The following SLC49A3 variants were observed in gnomAD, a reference collection of about 807,000 sequenced individuals.
SLC49A3 encodes solute carrier family 49 member 3, also known as solute carrier family 49 member A3.
Under a neutral mutation model 43.8 loss-of-function variants are expected in SLC49A3, and 50 were observed. The observed-to-expected ratio is 1.14, with a 90% CI of 0.91 to 1.45. SLC49A3 has a LOEUF of 1.45. SLC49A3 is among the 40% of genes most tolerant of loss of function. SLC49A3 has a pLI of 0.00. For synonymous variants in SLC49A3, 413 were observed against 352.0 expected (o/e 1.17, Z -1.94); for missense variants, 906 against 774.1 (o/e 1.17, Z -2.02).
downstream of SLC49A3, among the ~76,000 whole-genome samples, chr4:680,227 C>T (rs145094027): frequency 4.7e-3 from 716 of 152,288 alleles, 3 homozygotes; most frequent in Non-Finnish European, 7.5e-3. Flanking sequence ...TGTGACCCGC[C>T]GTCGACACCT....
chr4:677,650 C>T (rs1053459041), downstream of SLC49A3, among the ~76,000 whole-genome samples: 13 of 152,186 alleles, frequency 8.5e-5, no homozygotes, highest in Admixed American at 2.6e-4. Flanking sequence ...AAAAAGTGCC[C>T]CTTCCTCTGG....
chr4:682,766 C>G lies in SLC49A3; in HGVS notation c.1261+15G>C, dbSNP rs756914154. On this transcript the variant is annotated intron_variant, in intron 9 of 9. Coordinates refer to ENST00000322224, the MANE Select transcript of SLC49A3 (RefSeq NM_032219.4). The stretch of plus-strand genomic sequence containing the variant: ...ACCTGTCCTGTTCCCTGGGGACTCC[C>G]CATGTGAGGCTCACCTGTCCAGTCA... 5 of 1,548,444 alleles carry G rather than the reference C, an allele frequency of 3.2e-6. No homozygotes were observed. In the Admixed American group the frequency reaches 9.3e-5, roughly 29 times the overall value.
At position 686,149 on chromosome 4, in the gene SLC49A3, G is replaced by C; in HGVS notation, c.448C>G (p.Leu150Val). 1 of 1,613,308 alleles carries C rather than the reference G, an allele frequency of 6.2e-7. No homozygotes were observed. The highest frequency in any genetic ancestry group is 1.1e-5 in the South Asian group (1 of 91,086). Reference protein sequence around the residue: ...QSLVIFSPAKLAALWFPEHQR... With the variant: ...QSLVIFSPAKVAALWFPEHQR... ...TGCTCTGGGAACCACAAGGCAGCCA[G>C]CTTGGCTGGAGAGAAGATGACCAGG... Residue 150 changes from leucine (L) to valine (V), a missense_variant, in exon 3 of 10, where the codon CTG becomes GTG. Transcript: ENST00000322224.
At chr4:680,984 G>A, downstream of SLC49A3, 1 of 1,229,678 alleles carries the variant, frequency 8.1e-7, no homozygotes, top group Non-Finnish European at 1.2e-6. Context: ...GGAAGGGCGG[G>A]AGTGCAGTGA....
In SLC49A3 at chr4:685,725, G is replaced by A. The variant is rs533276398; in HGVS notation, c.585+110C>T. The A allele has an allele frequency of 1.9e-5, 23 of 1,191,060 alleles. No homozygotes were observed. In the African/African-American group the frequency reaches 2.0e-4, roughly 10 times the overall value. 73.8% of individuals were successfully genotyped at this position (1,191,060 alleles called of 1,614,324 possible). On this transcript the variant is annotated intron_variant, in intron 4 of 9. Coordinates refer to ENST00000322224, the MANE Select transcript of SLC49A3 (RefSeq NM_032219.4). The surrounding 1 kb of genome is among the most constrained non-coding windows in gnomAD (Gnocchi z 4.3). ...CTTCTCGGGTGGCGGGGCGGGGGACGGGAATCACACACGGGCACAGGAACA... is the reference window on the plus strand; with the variant it reads ...CTTCTCGGGTGGCGGGGCGGGGGACAGGAATCACACACGGGCACAGGAACA...
intron 9 of SLC49A3, 79 bp from the exon 10 acceptor site, chr4:682,455 T>A: frequency 7.9e-7 from 1 of 1,270,976 alleles, no homozygotes. Context: ...TGGCCTATGG[T>A]GACCCCACTA....
intron 1 of SLC49A3, among the ~76,000 whole-genome samples, chr4:688,224 G>A (rs1178745273): frequency 2.0e-5 from 3 of 152,308 alleles, no homozygotes; most frequent in African/African-American, 4.8e-5. Context: ...GGCAGCCCCT[G>A]GGCCCATCCA....
Position 683,701 on chromosome 4 carries a change from G to C in SLC49A3, c.901C>G (p.Leu301Val). 1 of 1,600,844 alleles carries C rather than the reference G, an allele frequency of 6.2e-7. No homozygotes were observed. The highest frequency in any genetic ancestry group is 8.5e-7 in the Non-Finnish European group (1 of 1,174,030). The change falls in exon 7 of 10, where the codon CTC becomes GTC. Residue 301 changes from leucine to valine, a missense_variant. By Grantham distance (32) the Leu-to-Val change is conservative. Coordinates refer to ENST00000322224, the MANE Select transcript of SLC49A3 (RefSeq NM_032219.4). The stretch of plus-strand genomic sequence containing the variant: ...TTGGTCCGGTCCACATAGGGGCCGA[G>C]AGCCAGTGCCCCCAGGATCCCAAAC... ...ITFGILGALA[L>V]GPYVDRTKHF...
downstream of SLC49A3, chr4:679,836 C>G (rs542046321): frequency 7.9e-7 from 1 of 1,259,534 alleles, no homozygotes; most frequent in South Asian, 1.2e-5. Context: ...GCCTGCCTGG[C>G]CCTGTGCTGG....
At chr4:678,718 A>G (rs370216048), downstream of SLC49A3, 1 of 1,612,370 alleles carries the variant, frequency 6.2e-7, no homozygotes. Flanking sequence ...AGCCTCATCC[A>G]ATGTCTTCTC....
At chr4:681,004 A>G, downstream of SLC49A3, 4 of 1,464,098 alleles carry the variant, frequency 2.7e-6, no homozygotes, top group Non-Finnish European at 3.7e-6. Flanking sequence ...AGCGAGTACA[A>G]CCTGGGGCCC....
chr4:680,201 C>A (rs1739312523), downstream of SLC49A3, among the ~76,000 whole-genome samples: 1 of 151,714 alleles, frequency 6.6e-6, no homozygotes, highest in South Asian at 2.1e-4. Flanking sequence ...GGCCCGCCCT[C>A]CTGCCCCACG....
At chr4:680,112 C>G, downstream of SLC49A3, 4 of 1,226,740 alleles carry the variant, frequency 3.3e-6, no homozygotes, top group Non-Finnish European at 3.4e-6. Flanking sequence ...TTTCCAATCT[C>G]TGGAGAAGCC....
At chr4:687,140 G>A (rs1330469332) in intron 1 of SLC49A3, among the ~76,000 whole-genome samples, 1 of 152,224 alleles carries the variant, frequency 6.6e-6, no homozygotes, top group African/African-American at 2.4e-5. Context: ...CCATTCCCCA[G>A]CCACAGGCAT....
In SLC49A3 at chr4:689,057, C is replaced by T. The variant is rs770352521; in HGVS notation, c.71G>A (p.Arg24His). The part of the protein sequence containing the change: ...PRALCAQRGH[R>H]TYARRWVFLL... ...GAACACCCAGCGGCGCGCGTAGGTG[C>T]GGTGGCCCCGCTGCGCGCACAGGGC... The change falls in exon 1 of 10, where the codon CGC becomes CAC. Residue 24 changes from arginine (R) to histidine (H), a missense_variant. Transcript: ENST00000322224. 1.3e-6 allele frequency: 2 copies of T among 1,579,584 alleles called. No homozygotes were observed. Among genetic ancestry groups the T allele is most frequent in the South Asian group, 1.1e-5 (1 of 89,126 alleles).
chr4:676,897 A>T, downstream of SLC49A3: 1 of 985,308 alleles, frequency 1.0e-6, no homozygotes, highest in Non-Finnish European at 1.2e-6. Flanking sequence ...TCAGTGCTTC[A>T]TAGAGGCCGC....
rs746665706 is a variant in SLC49A3, at chr4:685,910, C to T, written c.510G>A (p.Ser170=). The T allele has an allele frequency of 4.3e-6, 7 of 1,613,952 alleles. No homozygotes were observed. Among genetic ancestry groups the T allele is most frequent in the South Asian group, 3.3e-5 (3 of 91,070 alleles). ...TGGCCACAAGGACGCCCAGAGGGTTCGCTGGGTGGGCGGATGCACAAAGTG... is the reference window on the plus strand; with the variant it reads ...TGGCCACAAGGACGCCCAGAGGGTTTGCTGGGTGGGCGGATGCACAAAGTG... ...RATANMLATM[S]NPLGVLVANV... The change falls in exon 4 of 10, where the codon TCG becomes TCA. Residue 170 remains serine (S), a splice_region_variant and synonymous_variant. Coordinates refer to ENST00000322224, the MANE Select transcript of SLC49A3 (RefSeq NM_032219.4). The surrounding 1 kb of genome is among the most constrained non-coding windows in gnomAD (Gnocchi z 4.3).
Position 685,703 on chromosome 4 carries a change from C to T in SLC49A3, c.585+132G>A, listed in dbSNP as rs1180561826. Reference sequence around the variant, plus strand: ...CCTGAGCGACAGGCTGAGACTCCTTCTCGGGTGGCGGGGCGGGGGACGGGA... The same window carrying T: ...CCTGAGCGACAGGCTGAGACTCCTTTTCGGGTGGCGGGGCGGGGGACGGGA... On this transcript the variant is annotated intron_variant, in intron 4 of 9. Coordinates refer to ENST00000322224, the MANE Select transcript of SLC49A3 (RefSeq NM_032219.4). The surrounding 1 kb of genome is among the most constrained non-coding windows in gnomAD (Gnocchi z 4.3). 1 of 934,312 alleles carries T rather than the reference C, an allele frequency of 1.1e-6. No homozygotes were observed. The highest frequency in any genetic ancestry group is 1.6e-5 in the African/African-American group (1 of 61,062). 57.9% of individuals were successfully genotyped at this position (934,312 alleles called of 1,614,324 possible). A position where few individuals can be genotyped will look rare whatever the true frequency, so the allele number is the denominator to read the frequency against.
chr4:685,270 A>G lies in SLC49A3; in HGVS notation c.586-414T>C, dbSNP rs764234921. ...CCGCACCTGATACACATGCACGAGC[A>G]CACACAGGTACACACCACACATGTG... On this transcript the variant is annotated intron_variant, in intron 4 of 9. Transcript: ENST00000322224. The surrounding 1 kb of genome is among the most constrained non-coding windows in gnomAD (Gnocchi z 4.3). Among the ~76,000 whole-genome samples, 2 of 152,174 alleles carry G rather than the reference A, an allele frequency of 1.3e-5. No individual in the cohort carries two copies. Among genetic ancestry groups the G allele is most frequent in the Non-Finnish European group, 2.9e-5 (2 of 68,044 alleles).
Sources: allele counts gnomAD v4.1 joint callset (sites outside exome capture counted in the v4.1 genomes callset), GRCh38; gene constraint gnomAD v4.1.1; non-coding constraint Gnocchi (gnomAD v3.1); transcripts MANE v1.5; gene names NCBI Gene and HGNC (gene_info 2026-07-23, HGNC 2026-07-21).